MTHFD2L: variants seen among roughly 807,000 people sequenced by gnomAD.
The protein encoded by MTHFD2L is methylenetetrahydrofolate dehydrogenase (NADP+ dependent) 2 like.
A neutral mutation model predicts 34.9 loss-of-function variants in MTHFD2L; 29 were observed. The ratio of observed to expected loss-of-function variants is 0.83; its 90% confidence interval spans 0.62 to 1.13. The LOEUF (loss-of-function observed/expected upper bound fraction) is 1.13. Among genes scored for constraint, MTHFD2L ranks in the 50% most tolerant of loss-of-function variants. The pLI is 0.00. For missense variants in MTHFD2L, 481 were observed against 446.5 expected (o/e 1.08, Z -0.70); for synonymous variants, 167 against 155.7 (o/e 1.07, Z -0.54).
At chr4:74,297,127 T>C (rs1048083450) in intron 7 of MTHFD2L, among the ~76,000 whole-genome samples, 1 of 152,088 alleles carries the variant, frequency 6.6e-6, no homozygotes, top group Non-Finnish European at 1.5e-5. Context: ...TTGCAGAGTC[T>C]AAAGTTTGCA....
At chr4:74,292,841 C>T (rs1749127932) in intron 7 of MTHFD2L, among the ~76,000 whole-genome samples, 1 of 151,644 alleles carries the variant, frequency 6.6e-6, no homozygotes, top group South Asian at 2.1e-4. Context: ...GTAGAAATAT[C>T]TTTTTTATTT....
At chr4:74,273,673 T>G (rs1746270360) in intron 6 of MTHFD2L, among the ~76,000 whole-genome samples, 1 of 152,148 alleles carries the variant, frequency 6.6e-6, no homozygotes, top group African/African-American at 2.4e-5. Context: ...TAAGAATTTG[T>G]GTTATGGTAC....
At chr4:74,125,095 T>C (rs773791300), upstream of MTHFD2L, among the ~76,000 whole-genome samples, 1 of 152,180 alleles carries the variant, frequency 6.6e-6, no homozygotes. Context: ...GTAGATAATC[T>C]GACATTTTGC....
rs530904635 is a variant in MTHFD2L at position 74,277,266 on chromosome 4, T to C, written c.806-4159T>C. 2.0e-5 allele frequency among the ~76,000 whole-genome samples: 3 copies of C among 152,032 alleles called. No individual in the cohort carries two copies. In the South Asian group the frequency reaches 6.2e-4, roughly 32 times the overall value. On this transcript the variant is annotated intron_variant, in intron 6 of 7. Transcript: ENST00000325278. ...TGCTGAGGGCGAATGGAGTCTTATCTGTGCTTGCCCCATTGTGACACAGCT... is the reference window on the plus strand; with the variant it reads ...TGCTGAGGGCGAATGGAGTCTTATCCGTGCTTGCCCCATTGTGACACAGCT...
In MTHFD2L at chr4:74,160,149, T is replaced by C. The variant is rs549416528; in HGVS notation, c.143+1868T>C. 136 of 1,189,226 alleles carry C rather than the reference T, an allele frequency of 1.1e-4. No homozygotes were observed. In the African/African-American group the frequency reaches 2.0e-3, roughly 17 times the overall value. 73.7% of individuals were successfully genotyped at this position (1,189,226 alleles called of 1,614,324 possible). Reference sequence around the variant, plus strand: ...ACAGTCATCTTTTTTATATATATAATGACACATTAGTTGTCTAGTTCTTCA... The same window carrying C: ...ACAGTCATCTTTTTTATATATATAACGACACATTAGTTGTCTAGTTCTTCA... On this transcript the variant is annotated intron_variant, in intron 1 of 7. Coordinates refer to ENST00000325278, the MANE Select transcript of MTHFD2L (RefSeq NM_001144978.3).
At chr4:74,234,016 A>C (rs1346724295) in intron 6 of MTHFD2L, among the ~76,000 whole-genome samples, 1 of 152,090 alleles carries the variant, frequency 6.6e-6, no homozygotes, top group East Asian at 1.9e-4. Context: ...AGTAAAGAAC[A>C]ATTTATATCA....
intron 3 of MTHFD2L, among the ~76,000 whole-genome samples, chr4:74,191,286 A>G (rs1279882309): frequency 2.0e-5 from 3 of 152,086 alleles, no homozygotes; most frequent in African/African-American, 7.2e-5. Flanking sequence ...GAGTAAATAA[A>G]TGATTGAATT....
At chr4:74,139,354 A>C (rs1187592533) in intron 1 of MTHFD2L, among the ~76,000 whole-genome samples, 1 of 152,150 alleles carries the variant, frequency 6.6e-6, no homozygotes, top group Non-Finnish European at 1.5e-5. Flanking sequence ...CTGATTTGGC[A>C]TCTCCTTTGG....
chr4:74,247,561 T>C (rs1354288474), intron 6 of MTHFD2L, among the ~76,000 whole-genome samples: 1 of 152,176 alleles, frequency 6.6e-6, no homozygotes. Context: ...TTGTGCCAGT[T>C]TTCAAAGGGA....
In MTHFD2L at chr4:74,302,060, G is replaced by T; in HGVS notation, c.*251G>T. ...ACAATTGTTTATTTTGAGGGTATTT[G>T]TTCATAACATTAAAACAATAAAGGG... On this transcript the variant is annotated 3_prime_UTR_variant, in exon 8 of 8. Coordinates refer to ENST00000325278, the MANE Select transcript of MTHFD2L (RefSeq NM_001144978.3). The T allele has an allele frequency of 3.3e-6, 1 of 306,630 alleles. No homozygotes were observed. Among genetic ancestry groups the T allele is most frequent in the South Asian group, 1.1e-4 (1 of 8,878 alleles). The allele number at this position is 306,630 out of a possible 1,614,324, so 19.0% of individuals were successfully genotyped here.
At position 74,174,553 on chromosome 4, in the gene MTHFD2L, A is replaced by C; in HGVS notation, c.191A>C (p.Gln64Pro). 6.3e-7 allele frequency: 1 copy of C among 1,599,920 alleles called. No individual in the cohort carries two copies. Among genetic ancestry groups the C allele is most frequent in the Non-Finnish European group, 8.5e-7 (1 of 1,174,206 alleles). ...ISGTEMAKHI[Q>P]KEIQRGVESW... ...GGAACCGAAATGGCCAAGCATATCCAGAAAGAAATACAGCGAGGTGTGGAA... is the reference window on the plus strand; with the variant it reads ...GGAACCGAAATGGCCAAGCATATCCCGAAAGAAATACAGCGAGGTGTGGAA... The change falls in exon 2 of 8, where the codon CAG becomes CCG. Residue 64 changes from glutamine to proline, a missense_variant. By Grantham distance (76) the Gln-to-Pro change is moderately conservative. Transcript: ENST00000325278.
chr4:74,253,392 ATATCTT>A (rs767735790), intron 6 of MTHFD2L, among the ~76,000 whole-genome samples: 90 of 152,346 alleles, frequency 5.9e-4, no homozygotes, highest in Middle Eastern at 3.4e-3. Flanking sequence ...TTGCAAGAAA[ATATCTT>A]TATAAGAGCT....
intron 1 of MTHFD2L, among the ~76,000 whole-genome samples, chr4:74,145,308 G>A (rs1421900050): frequency 1.3e-5 from 2 of 152,152 alleles, no homozygotes; most frequent in Admixed American, 1.3e-4. Context: ...CATATACATT[G>A]TATTGATATT....
At chr4:74,274,431 T>TCA (rs745929331) in intron 6 of MTHFD2L, among the ~76,000 whole-genome samples, 7 of 152,176 alleles carry the variant, frequency 4.6e-5, no homozygotes, top group Non-Finnish European at 7.3e-5. Flanking sequence ...GAGCCATACC[T>TCA]CATTGTAACA....
At position 74,142,093 on chromosome 4, in the gene MTHFD2L, C is replaced by T. The variant is rs183725874; in HGVS notation, c.-297+16576C>T. ...AACGATTCTCCTATGAAAAACTCAC[C>T]GTAATATCCCAAAAGGCTGAACTGG... On this transcript the variant is annotated intron_variant, in intron 1 of 7. Transcript: ENST00000433372. Among the ~76,000 whole-genome samples the T allele has an allele frequency of 2.0e-5, 3 of 152,248 alleles. No individual in the cohort carries two copies. In the East Asian group the frequency reaches 5.8e-4, roughly 29 times the overall value.
intron 6 of MTHFD2L, among the ~76,000 whole-genome samples, chr4:74,271,979 A>G (rs866705446): frequency 3.3e-5 from 5 of 152,160 alleles, no homozygotes; most frequent in African/African-American, 1.2e-4. Flanking sequence ...ACAGAAGTCA[A>G]TCTGAAGCTG....
intron 3 of MTHFD2L, among the ~76,000 whole-genome samples, chr4:74,184,792 GA>G (rs1730828021): frequency 6.6e-6 from 1 of 152,040 alleles, no homozygotes; most frequent in African/African-American, 2.4e-5. Context: ...AATTTTAAGA[GA>G]ATTCATGTCA....
In MTHFD2L at chr4:74,247,941, C is replaced by G. The variant is rs1742727446; in HGVS notation, c.805+22547C>G. Among the ~76,000 whole-genome samples the G allele has an allele frequency of 3.3e-5, 5 of 152,136 alleles. No individual in the cohort carries two copies. In the South Asian group the frequency reaches 1.0e-3, roughly 32 times the overall value. ...ATCAAGGATATTGGTCTAAAATTCT[C>G]TTTTTTGGTTGTGTCTCTGCCCGGC... is the stretch of plus-strand genomic sequence containing the variant. On this transcript the variant is annotated intron_variant, in intron 6 of 7. Transcript: ENST00000325278.
chr4:74,114,662 G>A (rs1721628750), intron 2 of MTHFD2L: 1 of 152,164 alleles, frequency 6.6e-6, no homozygotes, highest in Admixed American at 6.5e-5. Context: ...CCTCAGGTAA[G>A]CTGGCTAACC....
Sources: allele counts gnomAD v4.1 joint callset (sites outside exome capture counted in the v4.1 genomes callset), GRCh38; gene constraint gnomAD v4.1.1; transcripts MANE v1.5; gene names NCBI Gene and HGNC (gene_info 2026-07-23, HGNC 2026-07-21).